LINGO1: variants seen among roughly 807,000 people sequenced by gnomAD.
The protein encoded by LINGO1 is leucine-rich repeat and immunoglobulin-like domain-containing nogo receptor-interacting protein 1.
A neutral mutation model predicts 37.3 loss-of-function variants in LINGO1; 11 were observed. The ratio of observed to expected loss-of-function variants is 0.29; its 90% confidence interval spans 0.19 to 0.49. The LOEUF (loss-of-function observed/expected upper bound fraction) is 0.49. Among genes scored for constraint, LINGO1 ranks in the 20% least tolerant of loss-of-function variants. The probability of loss-of-function intolerance (pLI) is 0.99; values close to 1 mark genes in which losing one functional copy is unlikely to be tolerated. For synonymous variants in LINGO1, 387 were observed against 403.0 expected, an observed-to-expected ratio of 0.96 and a Z score of 0.48; for missense variants, 585 against 878.2, an observed-to-expected ratio of 0.67 and a Z score of 4.22.
chr15:77,695,592 G>A (rs1228090651), intron 1 of LINGO1, among the ~76,000 whole-genome samples: 1 of 152,218 alleles, frequency 6.6e-6, no homozygotes, highest in Non-Finnish European at 1.5e-5. Flanking sequence ...CTCGTTGAAG[G>A]CCCCAGGTCA....
chr15:77,816,813 G>A (rs963040278), intron 1 of LINGO1, among the ~76,000 whole-genome samples: 1 of 152,184 alleles, frequency 6.6e-6, no homozygotes, highest in Non-Finnish European at 1.5e-5. Context: ...GGTACCAGAA[G>A]AACCGGGGCA....
chr15:77,797,007 C>T (rs1412185533), intron 1 of LINGO1, among the ~76,000 whole-genome samples: 1 of 152,242 alleles, frequency 6.6e-6, no homozygotes, highest in Non-Finnish European at 1.5e-5. Context: ...AGCCATCCTA[C>T]TTTATTTCTT....
intron 1 of LINGO1, among the ~76,000 whole-genome samples, chr15:77,776,737 G>A (rs1392418873): frequency 6.6e-6 from 1 of 152,208 alleles, no homozygotes; most frequent in African/African-American, 2.4e-5. Flanking sequence ...CAGATCTTTG[G>A]ACTGCAAAGC....
intron 1 of LINGO1, among the ~76,000 whole-genome samples, chr15:77,802,722 T>A (rs1335596754): frequency 6.6e-6 from 1 of 152,104 alleles, no homozygotes; most frequent in East Asian, 1.9e-4. Context: ...ACTCTCTACC[T>A]GGGTCTGAGC....
chr15:77,641,621 A>G (rs2074508077), intron 3 of LINGO1: 3 of 348,908 alleles, frequency 8.6e-6, no homozygotes, highest in South Asian at 2.2e-5. Context: ...ACCCTCCCCA[A>G]TTACAGAAGG....
At position 77,616,018 on chromosome 15, in the gene LINGO1, G is replaced by A. The variant is rs571976890; in HGVS notation, c.7-118C>T. ...TGTCACGATGACCCTGATGCAGATA[G>A]AGAGGCAGGGTCCAGATGCCCAGGC... On this transcript the variant is annotated intron_variant, in intron 1 of 1. Transcript: ENST00000355300. The A allele has an allele frequency of 7.4e-6, 5 of 673,846 alleles. No individual in the cohort carries two copies. In the African/African-American group the frequency reaches 9.0e-5, roughly 12 times the overall value. The allele number at this position is 673,846 out of a possible 1,614,324, so 41.7% of individuals were successfully genotyped here.
intron 3 of LINGO1, among the ~76,000 whole-genome samples, chr15:77,672,000 G>GCCGCCGCCTCCTCCTCCTCCT (rs1344106118): frequency 2.1e-5 from 3 of 145,572 alleles, no homozygotes; most frequent in African/African-American, 5.5e-5. Context: ...ATGAGCCTCT[G>GCCGCCGCCTCCTCCTCCTCCT]CCTCCTCCTC....
At chr15:77,773,765 T>G (rs2076609110) in intron 1 of LINGO1, among the ~76,000 whole-genome samples, 2 of 151,598 alleles carry the variant, frequency 1.3e-5, no homozygotes. Context: ...TCTCTCTGAC[T>G]TTGCCCAGGG....
chr15:77,651,146 A>G (rs1596049861), intron 3 of LINGO1, among the ~76,000 whole-genome samples: 1 of 152,170 alleles, frequency 6.6e-6, no homozygotes, highest in Non-Finnish European at 1.5e-5. Context: ...GAGGGAAGAG[A>G]GAGTTCTCTG....
chr15:77,761,215 C>A (rs1002715185), intron 1 of LINGO1, among the ~76,000 whole-genome samples: 1 of 151,954 alleles, frequency 6.6e-6, no homozygotes, highest in Non-Finnish European at 1.5e-5. Context: ...CAGGTGTGAG[C>A]CACTGCACCT....
upstream of LINGO1, among the ~76,000 whole-genome samples, chr15:77,633,206 C>G (rs1015145694): frequency 3.3e-5 from 5 of 152,184 alleles, no homozygotes; most frequent in Non-Finnish European, 7.4e-5. Context: ...CTGGGCGAGT[C>G]CCGGGCCAGC....
chr15:77,735,766 A>G (rs1470576960), intron 1 of LINGO1, among the ~76,000 whole-genome samples: 4 of 152,214 alleles, frequency 2.6e-5, no homozygotes, highest in Non-Finnish European at 5.9e-5. Context: ...TCACACTTTG[A>G]GAACTGCTGG....
upstream of LINGO1, among the ~76,000 whole-genome samples, chr15:77,637,579 G>A (rs541555889): frequency 1.2e-4 from 19 of 152,238 alleles, no homozygotes; most frequent in Middle Eastern, 3.4e-3. The surrounding 1 kb of genome is among the most constrained non-coding windows in gnomAD (Gnocchi z 4.6). Flanking sequence ...ATGGCTTAAC[G>A]TGTGGCTGGT....
At chr15:77,670,506 G>A (rs183422896) in intron 3 of LINGO1, among the ~76,000 whole-genome samples, 45 of 152,184 alleles carry the variant, frequency 3.0e-4, no homozygotes, top group African/African-American at 8.7e-4. Context: ...GGCCCTACCC[G>A]AGGCACAGCC....
chr15:77,730,530 G>A (rs936012113), intron 2 of LINGO1, among the ~76,000 whole-genome samples: 40 of 152,312 alleles, frequency 2.6e-4, no homozygotes, highest in Admixed American at 1.6e-3. Flanking sequence ...CCCCGTACCC[G>A]TCTGTGCCGG....
chr15:77,734,821 C>T (rs886433940), intron 2 of LINGO1, among the ~76,000 whole-genome samples: 9 of 152,220 alleles, frequency 5.9e-5, no homozygotes, highest in Non-Finnish European at 1.5e-5. Context: ...CCACCCCCTA[C>T]CTCGCCCAGT....
chr15:77,819,240 C>T (rs1246008802), intron 1 of LINGO1: 2 of 149,310 alleles, frequency 1.3e-5, no homozygotes, highest in Non-Finnish European at 3.0e-5. Context: ...GCCCTGGCCC[C>T]GCTGCAGCGT....
upstream of LINGO1, among the ~76,000 whole-genome samples, chr15:77,699,344 C>A (rs2075738507): frequency 1.8e-5 from 2 of 114,100 alleles, no homozygotes. Context: ...TCATCCCCCG[C>A]ACACAGTAAG....
At chr15:77,809,894 G>A (rs1298219924) in intron 1 of LINGO1, among the ~76,000 whole-genome samples, 1 of 152,142 alleles carries the variant, frequency 6.6e-6, no homozygotes, top group Non-Finnish European at 1.5e-5. Flanking sequence ...CCCAACCGCA[G>A]AGAACAGACA....
Sources: gnomAD v4.1 joint callset for allele counts (sites outside exome capture counted in the v4.1 genomes callset) on GRCh38, gnomAD v4.1.1 for gene constraint, Gnocchi (gnomAD v3.1) non-coding constraint, MANE v1.5 for transcripts, NCBI Gene and HGNC (gene_info 2026-07-23, HGNC 2026-07-21) for gene names.